RAB38: variants seen among roughly 807,000 people sequenced by gnomAD.
The protein encoded by RAB38 is ras-related protein Rab-38.
A neutral mutation model predicts 18.4 loss-of-function variants in RAB38; 15 were observed. The observed-to-expected ratio is 0.82, with a 90% CI of 0.55 to 1.26. RAB38 has a LOEUF of 1.26. Among genes scored for constraint, RAB38 ranks in the 50% most tolerant of loss-of-function variants. The pLI, the probability that RAB38 is intolerant of heterozygous loss-of-function variation, is 0.00. For synonymous variants in RAB38, 101 were observed against 104.4 expected (o/e 0.97, Z 0.20); for missense variants, 294 against 267.4 (o/e 1.10, Z -0.69).
At chr11:87,833,609 T>G in the RAB38 span, among the ~76,000 whole-genome samples, 1 of 152,334 alleles carries the variant, frequency 6.6e-6, no homozygotes, top group East Asian at 1.9e-4. Context: ...AGTAACTTAT[T>G]TAATTTTCTC....
chr11:87,850,499 T>C, the RAB38 span, among the ~76,000 whole-genome samples: 1 of 152,076 alleles, frequency 6.6e-6, no homozygotes, highest in Non-Finnish European at 1.5e-5. Flanking sequence ...CATGCACTCT[T>C]ATGTTTTGAG....
At chr11:87,940,757 C>A in the RAB38 span, among the ~76,000 whole-genome samples, 1 of 151,900 alleles carries the variant, frequency 6.6e-6, no homozygotes, top group Non-Finnish European at 1.5e-5. Flanking sequence ...GATTATCCTG[C>A]GAGTAGCTGG....
At chr11:87,906,293 A>G in the RAB38 span, among the ~76,000 whole-genome samples, 1 of 151,972 alleles carries the variant, frequency 6.6e-6, no homozygotes, top group East Asian at 1.9e-4. Context: ...AAGTGCTGGC[A>G]TTGGTCCTTA....
the RAB38 span, among the ~76,000 whole-genome samples, chr11:88,106,560 AT>A: frequency 6.6e-6 from 1 of 152,132 alleles, no homozygotes; most frequent in Non-Finnish European, 1.5e-5. Context: ...TATGTCTACC[AT>A]TACAGTTTCA....
chr11:87,873,922 G>GTGTATATATA, the RAB38 span, among the ~76,000 whole-genome samples: 193 of 103,076 alleles, frequency 1.9e-3, 3 homozygotes, highest in Middle Eastern at 5.6e-3. Context: ...GTGTGTGTGT[G>GTGTATATATA]TATATATATA....
chr11:87,974,836 G>T, the RAB38 span, among the ~76,000 whole-genome samples: 1 of 151,690 alleles, frequency 6.6e-6, no homozygotes, highest in South Asian at 2.1e-4. Flanking sequence ...AGCACTCAGA[G>T]ATAAAACAAA....
At chr11:88,171,348 A>T (rs897575710) in intron 1 of RAB38, among the ~76,000 whole-genome samples, 3 of 152,222 alleles carry the variant, frequency 2.0e-5, no homozygotes, top group African/African-American at 7.2e-5. Context: ...TACCCTGAGG[A>T]CAGTGATAAT....
chr11:87,942,212 G>T, the RAB38 span, among the ~76,000 whole-genome samples: 1 of 152,102 alleles, frequency 6.6e-6, no homozygotes, highest in Non-Finnish European at 1.5e-5. Flanking sequence ...AATCACCCAG[G>T]GATCTTGTTA....
chr11:87,879,425 G>A, the RAB38 span: 1 of 151,052 alleles, frequency 6.6e-6, no homozygotes, highest in Non-Finnish European at 1.5e-5. Flanking sequence ...TTTTTCAGTT[G>A]GGACTATGAA....
the RAB38 span, among the ~76,000 whole-genome samples, chr11:88,020,878 T>C: frequency 1.3e-5 from 2 of 151,676 alleles, no homozygotes; most frequent in Non-Finnish European, 2.9e-5. Context: ...AAGAAGGAAA[T>C]TGATAAAAAT....
At chr11:88,127,974 T>C (rs528254781) in intron 2 of RAB38, among the ~76,000 whole-genome samples, 1 of 152,356 alleles carries the variant, frequency 6.6e-6, no homozygotes, top group South Asian at 2.1e-4. Flanking sequence ...CCTGTTGGCA[T>C]GTAGTGCTTA....
At chr11:88,111,455 T>G (rs1223714155), downstream of RAB38, among the ~76,000 whole-genome samples, 1 of 152,210 alleles carries the variant, frequency 6.6e-6, no homozygotes, top group East Asian at 1.9e-4. Context: ...AGCTGTAGAT[T>G]TATTGGAACC....
chr11:88,101,713 GT>G, the RAB38 span, among the ~76,000 whole-genome samples: 1 of 151,584 alleles, frequency 6.6e-6, no homozygotes, highest in African/African-American at 2.4e-5. Flanking sequence ...TATAAAAAAT[GT>G]TTTTGATTTT....
intron 1 of RAB38, chr11:88,173,662 G>A (rs997680498): frequency 1.0e-6 from 1 of 985,270 alleles, no homozygotes; most frequent in African/African-American, 1.7e-5. Flanking sequence ...CTTTCGAGCA[G>A]CCAGAAGGGT....
the RAB38 span, among the ~76,000 whole-genome samples, chr11:88,023,157 A>T: frequency 6.6e-6 from 1 of 152,034 alleles, no homozygotes; most frequent in East Asian, 1.9e-4. Context: ...CATAAAAGTT[A>T]AAAAAAATGA....
At chr11:87,832,784 A>G in the RAB38 span, among the ~76,000 whole-genome samples, 5 of 104,752 alleles carry the variant, frequency 4.8e-5, no homozygotes, top group Non-Finnish European at 7.3e-5. Flanking sequence ...ACTCAGGTGG[A>G]TCACTCAGGC....
chr11:87,871,861 C>T, the RAB38 span, among the ~76,000 whole-genome samples: 1 of 151,514 alleles, frequency 6.6e-6, no homozygotes, highest in Non-Finnish European at 1.5e-5. Context: ...ATTTTCATTA[C>T]ATTCCACTGA....
chr11:87,868,608 A>AGAGAGAGAGAGAGAGAGAGAGAGAGG, the RAB38 span, among the ~76,000 whole-genome samples: 1 of 102,988 alleles, frequency 9.7e-6, no homozygotes, highest in Admixed American at 1.1e-4. Context: ...AGAGAGAGAG[A>AGAGAGAGAGAGAGAGAGAGAGAGAGG]GAGAGAGAGA....
chr11:87,929,203 G>C, the RAB38 span, among the ~76,000 whole-genome samples: 1 of 151,960 alleles, frequency 6.6e-6, no homozygotes, highest in African/African-American at 2.4e-5. Flanking sequence ...AATTTGGTAG[G>C]CTTCCTTCCT....
Sources: allele counts gnomAD v4.1 joint callset (sites outside exome capture counted in the v4.1 genomes callset), GRCh38; gene constraint gnomAD v4.1.1; transcripts MANE v1.5; gene names NCBI Gene and HGNC (gene_info 2026-07-23, HGNC 2026-07-21).